Variants in MCTP1 observed in about 807,000 individuals in gnomAD.
MCTP1 encodes multiple C2 and transmembrane domain-containing protein 1.
In MCTP1, 69 loss-of-function variants were observed where a neutral mutation model predicts 120.6. The observed-to-expected ratio is 0.57, with a 90% CI of 0.47 to 0.70. The LOEUF is 0.70. Among genes scored for constraint, MCTP1 ranks in the 30% least tolerant of loss-of-function variants. The pLI is 0.00. For missense variants in MCTP1, 1,203 were observed against 1,248.8 expected (o/e 0.96, Z 0.55); for synonymous variants, 529 against 493.1 (o/e 1.07, Z -0.96).
chr5:95,112,706 G>C (rs1047507706), intron 1 of MCTP1, among the ~76,000 whole-genome samples: 1 of 152,050 alleles, frequency 6.6e-6, no homozygotes, highest in Non-Finnish European at 1.5e-5. Context: ...TTGTAAGATA[G>C]CAAAAATTTT....
chr5:95,235,522 T>G (rs1191805406), intron 1 of MCTP1, among the ~76,000 whole-genome samples: 2 of 151,826 alleles, frequency 1.3e-5, no homozygotes, highest in Non-Finnish European at 2.9e-5. Flanking sequence ...TAGAAACACT[T>G]TCTTTCTTTC....
intron 2 of MCTP1, among the ~76,000 whole-genome samples, chr5:94,964,527 G>A (rs1825135435): frequency 6.6e-6 from 1 of 152,106 alleles, no homozygotes; most frequent in African/African-American, 2.4e-5. Context: ...ATTTGTAGGT[G>A]CTCCAATTTT....
At chr5:95,237,067 T>C (rs1755619511) in intron 1 of MCTP1, among the ~76,000 whole-genome samples, 1 of 152,202 alleles carries the variant, frequency 6.6e-6, no homozygotes, top group South Asian at 2.1e-4. Flanking sequence ...AATGCTTGGC[T>C]ATGTGGCAGT....
At chr5:94,998,124 AT>A (rs1832961488) in intron 2 of MCTP1, among the ~76,000 whole-genome samples, 2 of 152,210 alleles carry the variant, frequency 1.3e-5, no homozygotes, top group South Asian at 4.1e-4. Flanking sequence ...AAAAGGGTGT[AT>A]TTTTATGCTT....
At chr5:95,135,749 T>A (rs1361446633) in intron 1 of MCTP1, among the ~76,000 whole-genome samples, 1 of 152,242 alleles carries the variant, frequency 6.6e-6, no homozygotes. Context: ...ATTGTGTTTG[T>A]GTAAGTTAAT....
At chr5:95,172,183 G>T (rs251074) in intron 1 of MCTP1, among the ~76,000 whole-genome samples, 1 of 152,092 alleles carries the variant, frequency 6.6e-6, no homozygotes, top group East Asian at 1.9e-4. Flanking sequence ...ACTCCAGACC[G>T]TTTGCCTACG....
intron 1 of MCTP1, among the ~76,000 whole-genome samples, chr5:95,201,393 T>G (rs115025240): frequency 2.1e-4 from 31 of 151,204 alleles, no homozygotes; most frequent in African/African-American, 6.8e-4. Context: ...TTTGTTATGA[T>G]TTAAATTTAA....
chr5:95,113,305 C>G (rs566943194), intron 1 of MCTP1, among the ~76,000 whole-genome samples: 78 of 152,184 alleles, frequency 5.1e-4, no homozygotes, highest in East Asian at 2.9e-3. Flanking sequence ...AAACCACCAT[C>G]ATAAGAACCA....
intron 1 of MCTP1, among the ~76,000 whole-genome samples, chr5:95,176,313 C>T (rs568488561): frequency 2.6e-5 from 4 of 152,084 alleles, no homozygotes; most frequent in East Asian, 1.9e-4. Context: ...TCACTTGAGC[C>T]GAGGAGTTCG....
intron 17 of MCTP1, among the ~76,000 whole-genome samples, chr5:94,807,731 G>T (rs1561669823): frequency 6.6e-6 from 1 of 152,156 alleles, no homozygotes. Flanking sequence ...CTGGGCATTT[G>T]GCGGGTGAAG....
At chr5:95,283,358 G>A (rs1032397167) in intron 1 of MCTP1, among the ~76,000 whole-genome samples, 1 of 152,206 alleles carries the variant, frequency 6.6e-6, no homozygotes, top group Non-Finnish European at 1.5e-5. Flanking sequence ...AAGGGGTGCC[G>A]GATGCAGGCC....
chr5:95,075,064 G>A (rs955020170), intron 1 of MCTP1, among the ~76,000 whole-genome samples: 1 of 152,130 alleles, frequency 6.6e-6, no homozygotes, highest in East Asian at 1.9e-4. Context: ...TGATCTCTAA[G>A]GCACCTTGTA....
At chr5:94,934,314 A>G (rs1184972656) in intron 5 of MCTP1, among the ~76,000 whole-genome samples, 1 of 151,832 alleles carries the variant, frequency 6.6e-6, no homozygotes, top group Non-Finnish European at 1.5e-5. Context: ...GAAAAATAAG[A>G]TTTATTTTTT....
At chr5:95,028,195 G>C (rs895228210) in intron 1 of MCTP1, among the ~76,000 whole-genome samples, 4 of 152,136 alleles carry the variant, frequency 2.6e-5, no homozygotes, top group African/African-American at 9.7e-5. Context: ...AGAGTGAAAG[G>C]GAGTGCTATT....
intron 19 of MCTP1, among the ~76,000 whole-genome samples, chr5:94,767,138 A>T (rs1035950833): frequency 1.4e-4 from 22 of 152,222 alleles, no homozygotes; most frequent in African/African-American, 5.1e-4. Flanking sequence ...AATAAATGTG[A>T]TACATCACAT....
intron 3 of MCTP1, among the ~76,000 whole-genome samples, chr5:94,952,171 C>CAAAAAAAAAGAA (rs1820770884): frequency 1.1e-5 from 1 of 87,890 alleles, no homozygotes; most frequent in Non-Finnish European, 2.2e-5. Flanking sequence ...GACTTTGTCG[C>CAAAAAAAAAGAA]AAAAAAAAAA....
chr5:95,251,990 G>A (rs1300096429), intron 1 of MCTP1, among the ~76,000 whole-genome samples: 1 of 152,070 alleles, frequency 6.6e-6, no homozygotes, highest in Admixed American at 6.6e-5. Context: ...TTTTATTATT[G>A]AATAAGCATC....
At chr5:94,784,885 A>C (rs1472671501) in intron 18 of MCTP1, 1 of 152,078 alleles carries the variant, frequency 6.6e-6, no homozygotes, top group Non-Finnish European at 1.5e-5. Flanking sequence ...TCTTCTCACA[A>C]AATGCATTTC....
rs551880947 is a variant in MCTP1 at position 94,705,294 on chromosome 5, A to G, written c.*2202T>C. On this transcript the variant is annotated 3_prime_UTR_variant, in exon 23 of 23. Transcript: ENST00000515393. ...GTGAATGTAGTAGTTTCTAAAAGCA[A>G]TGAAGATTTCCCTGAATATCACTTT... is the stretch of plus-strand genomic sequence containing the variant. 6.6e-6 allele frequency: 1 copy of G among 151,530 alleles called. No homozygotes were observed. Among genetic ancestry groups the G allele is most frequent in the Non-Finnish European group, 1.5e-5 (1 of 67,624 alleles). The allele number at this position is 151,530 out of a possible 1,614,324, so 9.4% of individuals were successfully genotyped here. A position where few individuals can be genotyped will look rare whatever the true frequency, so the allele number is the denominator to read the frequency against.
Sources: gnomAD v4.1 joint callset for allele counts (sites outside exome capture counted in the v4.1 genomes callset) on GRCh38, gnomAD v4.1.1 for gene constraint, MANE v1.5 for transcripts, NCBI Gene and HGNC (gene_info 2026-07-23, HGNC 2026-07-21) for gene names.